SLC30A7: variants seen among roughly 807,000 people sequenced by gnomAD.
SLC30A7 encodes the protein zinc transporter 7.
A neutral mutation model predicts 46.0 loss-of-function variants in SLC30A7; 35 were observed. That is an observed-to-expected ratio of 0.76 (90% CI 0.58 to 1.01). The LOEUF is 1.01. SLC30A7 is among the 50% of genes least tolerant of loss of function. The pLI, the probability that SLC30A7 is intolerant of heterozygous loss-of-function variation, is 0.00. For synonymous variants in SLC30A7, 147 were observed against 157.8 expected, an observed-to-expected ratio of 0.93 and a Z score of 0.51; for missense variants, 464 against 451.1, an observed-to-expected ratio of 1.03 and a Z score of -0.26.
chr1:100,950,826 C>T (rs1654913726), intron 8 of SLC30A7, among the ~76,000 whole-genome samples: 1 of 152,108 alleles, frequency 6.6e-6, no homozygotes, highest in African/African-American at 2.4e-5. Flanking sequence ...ATTCATGTCC[C>T]CCTGTGACAT....
chr1:100,896,141 C>A lies in SLC30A7; in HGVS notation c.-122C>A. Reference sequence around the variant, plus strand: ...GTCTGTGTCTGTCTGTGTCTCGCAGCGGCGCGCGGCCCCGGACAAGCGCTG... The same window carrying A: ...GTCTGTGTCTGTCTGTGTCTCGCAGAGGCGCGCGGCCCCGGACAAGCGCTG... On this transcript the variant is annotated 5_prime_UTR_variant, in exon 1 of 11. Coordinates refer to ENST00000357650, the MANE Select transcript of SLC30A7 (RefSeq NM_133496.5). The A allele has an allele frequency of 2.4e-6, 2 of 822,758 alleles. No individual in the cohort carries two copies. Among genetic ancestry groups the A allele is most frequent in the Non-Finnish European group, 4.1e-6 (2 of 487,048 alleles). 51.0% of individuals were successfully genotyped at this position (822,758 alleles called of 1,614,324 possible).
At chr1:100,912,510 A>G (rs1051845371) in intron 5 of SLC30A7, among the ~76,000 whole-genome samples, 4 of 152,134 alleles carry the variant, frequency 2.6e-5, no homozygotes, top group African/African-American at 7.2e-5. Flanking sequence ...GAAAACCACA[A>G]AACAAATCTA....
At chr1:100,956,282 A>G (rs1201830951) in intron 8 of SLC30A7, among the ~76,000 whole-genome samples, 1 of 152,120 alleles carries the variant, frequency 6.6e-6, no homozygotes, top group Non-Finnish European at 1.5e-5. Context: ...ATATGATATT[A>G]TTTGTGATCA....
chr1:100,952,911 C>A (rs1258353691), intron 8 of SLC30A7, among the ~76,000 whole-genome samples: 1 of 152,132 alleles, frequency 6.6e-6, no homozygotes, highest in Non-Finnish European at 1.5e-5. Context: ...ATAAGTATAC[C>A]ATTTTTAACT....
chr1:100,964,168 C>G (rs17610202), intron 9 of SLC30A7, among the ~76,000 whole-genome samples: 15,617 of 146,270 alleles, frequency 0.11, 1,008 homozygotes, highest in Non-Finnish European at 0.15. Flanking sequence ...ATTGCCCATT[C>G]AAGATTTGTG....
At chr1:100,972,024 T>G (rs1178834506) in intron 10 of SLC30A7, among the ~76,000 whole-genome samples, 1 of 152,108 alleles carries the variant, frequency 6.6e-6, no homozygotes, top group Non-Finnish European at 1.5e-5. Context: ...TTGACTGGAG[T>G]ATGGTTTGTA....
chr1:100,974,699 T>G, intron 10 of SLC30A7, 111 bp from the exon 11 acceptor site: 4 of 739,538 alleles, frequency 5.4e-6, no homozygotes, highest in Admixed American at 3.4e-5. Context: ...AATGATTCTT[T>G]TCTTTTTTTA....
intron 8 of SLC30A7, among the ~76,000 whole-genome samples, chr1:100,959,769 C>CT (rs1346989573): frequency 6.6e-6 from 1 of 152,186 alleles, no homozygotes; most frequent in Non-Finnish European, 1.5e-5. Context: ...CAGCAAGTCA[C>CT]TAAGTCCTGA....
chr1:100,897,708 T>C (rs570103767), intron 2 of SLC30A7, among the ~76,000 whole-genome samples: 1 of 152,334 alleles, frequency 6.6e-6, no homozygotes, highest in South Asian at 2.1e-4. Context: ...TGCTTGGGCT[T>C]CTTTCAATTC....
At chr1:100,993,331 T>A in the SLC30A7 span, among the ~76,000 whole-genome samples, 1 of 151,314 alleles carries the variant, frequency 6.6e-6, no homozygotes. Context: ...GGCGGGTGGA[T>A]CACAAAGTCA....
downstream of SLC30A7, among the ~76,000 whole-genome samples, chr1:100,984,347 G>A (rs373721131): frequency 7.2e-5 from 11 of 152,310 alleles, no homozygotes; most frequent in Admixed American, 5.2e-4. Flanking sequence ...GCTCAACCAA[G>A]AAGGGGAGCC....
intron 8 of SLC30A7, among the ~76,000 whole-genome samples, chr1:100,942,232 A>G (rs951580798): frequency 6.6e-6 from 1 of 152,200 alleles, no homozygotes; most frequent in African/African-American, 2.4e-5. Context: ...TAGGAATGAG[A>G]ATAGTATTAA....
At chr1:100,951,207 G>A (rs899001593) in intron 8 of SLC30A7, among the ~76,000 whole-genome samples, 1 of 152,186 alleles carries the variant, frequency 6.6e-6, no homozygotes, top group African/African-American at 2.4e-5. Flanking sequence ...AGGAAAAGGG[G>A]TGCGAAGCAG....
intron 8 of SLC30A7, among the ~76,000 whole-genome samples, chr1:100,961,174 G>A (rs1286163338): frequency 2.0e-5 from 3 of 151,678 alleles, no homozygotes; most frequent in Non-Finnish European, 4.4e-5. Flanking sequence ...TGTTAGCCAG[G>A]ATGGTCTCGA....
chr1:100,990,236 A>G, the SLC30A7 span: 1 of 621,070 alleles, frequency 1.6e-6, no homozygotes. Context: ...ATGAAAGCTC[A>G]CTATCATGAG....
chr1:100,896,454 C>T (rs1650939390), intron 1 of SLC30A7, 112 bp downstream of exon 1: 1 of 1,437,464 alleles, frequency 7.0e-7, no homozygotes, highest in Admixed American at 1.7e-5. Context: ...CCCGTCAACC[C>T]CTAGCTGTGA....
At chr1:100,925,317 A>T (rs1294804366) in intron 8 of SLC30A7, among the ~76,000 whole-genome samples, 1 of 152,232 alleles carries the variant, frequency 6.6e-6, no homozygotes, top group South Asian at 2.1e-4. Context: ...GCTGGGGAAG[A>T]CTACCTAGGG....
chr1:100,923,716 C>G (rs769584774), intron 8 of SLC30A7, among the ~76,000 whole-genome samples: 1 of 152,142 alleles, frequency 6.6e-6, no homozygotes, highest in Admixed American at 6.5e-5. Context: ...GAGTTTGAGG[C>G]TGCAGATAGC....
chr1:100,955,260 A>G (rs1184338174), intron 8 of SLC30A7, among the ~76,000 whole-genome samples: 1 of 152,058 alleles, frequency 6.6e-6, no homozygotes, highest in Non-Finnish European at 1.5e-5. Flanking sequence ...CTGCTTCTGA[A>G]GTAAGATTTG....
Sources: allele counts gnomAD v4.1 joint callset (sites outside exome capture counted in the v4.1 genomes callset), GRCh38; gene constraint gnomAD v4.1.1; transcripts MANE v1.5; gene names NCBI Gene and HGNC (gene_info 2026-07-23, HGNC 2026-07-21).